EDNRB: variants seen among roughly 807,000 people sequenced by gnomAD.
EDNRB encodes the protein Hirschsprung disease 2.
EDNRB carries 18 observed loss-of-function variants against 46.4 expected under a neutral mutation model. That is an observed-to-expected ratio of 0.39 (90% CI 0.27 to 0.57). The LOEUF is 0.57. EDNRB is among the 20% of genes least tolerant of loss of function. EDNRB has a pLI of 0.61. For missense variants in EDNRB, 434 were observed against 537.5 expected (o/e 0.81, Z 1.90); for synonymous variants, 213 against 204.9 (o/e 1.04, Z -0.34).
In EDNRB at chr13:77,896,748, A is replaced by G. The variant is rs1878650435; in HGVS notation, c.*1452T>C. ...AGGCTAAGAATGGGAATCTGTCCCC[A>G]TGGGTTTCCTCCAACCCCACCTCAT... On this transcript the variant is annotated 3_prime_UTR_variant, in exon 7 of 7. Transcript: ENST00000646607. 9.5e-6 allele frequency: 13 copies of G among 1,370,124 alleles called. No individual in the cohort carries two copies. Among genetic ancestry groups the G allele is most frequent in the Non-Finnish European group, 1.2e-5 (13 of 1,065,222 alleles). The allele number at this position is 1,370,124 out of a possible 1,614,324, so 84.9% of individuals were successfully genotyped here. A position where few individuals can be genotyped will look rare whatever the true frequency, so the allele number is the denominator to read the frequency against.
chr13:77,940,826 G>A (rs994533025), intron 1 of EDNRB, among the ~76,000 whole-genome samples: 2 of 152,104 alleles, frequency 1.3e-5, no homozygotes, highest in African/African-American at 4.8e-5. Flanking sequence ...AATATTTGAA[G>A]GGGAGATGGA....
At chr13:77,908,341 C>A (rs1879394960) in intron 1 of EDNRB, among the ~76,000 whole-genome samples, 1 of 148,770 alleles carries the variant, frequency 6.7e-6, no homozygotes, top group South Asian at 2.1e-4. Flanking sequence ...TGGCCTCTAG[C>A]AAGAAAGTCT....
Position 77,899,760 on chromosome 13 carries a change from T to A in EDNRB, c.1194+99A>T, listed in dbSNP as rs1878838198. 3.4e-6 allele frequency: 3 copies of A among 892,720 alleles called. No homozygotes were observed. The South Asian group carries it at 4.5e-5, about 13-fold the overall frequency. The allele number at this position is 892,720 out of a possible 1,614,324, so 55.3% of individuals were successfully genotyped here. ...ATGTAATAAAAGGGAAACTATAAGA[T>A]AATTTACTAAATCTGTCTGGATAGA... On this transcript the variant is annotated intron_variant, in intron 6 of 6. Coordinates refer to ENST00000646607, the MANE Select transcript of EDNRB (RefSeq NM_001122659.3).
In EDNRB at chr13:77,916,959, C is replaced by T. The variant is rs558369409; in HGVS notation, c.483+1132G>A. On this transcript the variant is annotated intron_variant, in intron 1 of 6. Coordinates refer to ENST00000646607, the MANE Select transcript of EDNRB (RefSeq NM_001122659.3). ...TAAAGCCTCAGTAAGTGGGCACTGG[C>T]AGCCTTATTGTGGAATTGAGGAAAC... Among the ~76,000 whole-genome samples the T allele has an allele frequency of 3.6e-4, 55 of 151,662 alleles. No individual in the cohort carries two copies. The Middle Eastern group carries it at 0.01, about 28-fold the overall frequency.
At chr13:77,943,236 C>T (rs1880803550) in intron 1 of EDNRB, among the ~76,000 whole-genome samples, 1 of 152,122 alleles carries the variant, frequency 6.6e-6, no homozygotes. Flanking sequence ...GGTACACAGA[C>T]AGACTTGAAT....
Position 77,896,687 on chromosome 13 carries a change from C to A in EDNRB, c.*1513G>T. ...TGTTTTGCTGGAACAAAATCAGGAC[C>A]TTTTGCATTGATGTGACGAGGCAAT... On this transcript the variant is annotated 3_prime_UTR_variant, in exon 7 of 7. Transcript: ENST00000646607. 6.2e-6 allele frequency: 9 copies of A among 1,447,332 alleles called. No individual in the cohort carries two copies. Among genetic ancestry groups the A allele is most frequent in the Non-Finnish European group, 8.1e-6 (9 of 1,106,312 alleles). The allele number at this position is 1,447,332 out of a possible 1,614,324, so 89.7% of individuals were successfully genotyped here.
intron 1 of EDNRB, among the ~76,000 whole-genome samples, chr13:77,943,177 G>A (rs1358318815): frequency 1.3e-5 from 2 of 152,076 alleles, no homozygotes; most frequent in Non-Finnish European, 2.9e-5. Context: ...TTCCTGTAGA[G>A]CAATATGTGC....
At chr13:77,931,770 A>AC (rs1880415716) in intron 1 of EDNRB, among the ~76,000 whole-genome samples, 1 of 142,680 alleles carries the variant, frequency 7.0e-6, no homozygotes, top group Non-Finnish European at 1.5e-5. Context: ...ACAAAAAAAA[A>AC]AAAACAAAAA....
At position 77,931,441 on chromosome 13, in the gene EDNRB, GTAGCTGATCGGTGGGGGAAT is replaced by G. The variant is rs1880395458; in HGVS notation, c.-51-12837_-51-12818del. On this transcript the variant is annotated intron_variant, in intron 1 of 7. Coordinates refer to the EDNRB transcript ENST00000646948. ...ATGATATAATCCAGCCTTACTGGCT[GTAGCTGATCGGTGGGGGAAT>G]TACCTGATCCAAGCTTTCCTCTCAA... 2.6e-5 allele frequency among the ~76,000 whole-genome samples: 4 copies of G among 152,246 alleles called. No individual in the cohort carries two copies. In the South Asian group the frequency reaches 8.3e-4, roughly 32 times the overall value.
At chr13:77,899,792 A>G in intron 6 of EDNRB, 67 bp downstream of exon 6, 2 of 1,147,954 alleles carry the variant, frequency 1.7e-6, no homozygotes, top group East Asian at 4.8e-5. Context: ...TAGATATATT[A>G]GCAGTTTTGA....
At chr13:77,923,833 G>GTA (rs1880156681), upstream of EDNRB, among the ~76,000 whole-genome samples, 1 of 151,040 alleles carries the variant, frequency 6.6e-6, no homozygotes, top group Non-Finnish European at 1.5e-5. Flanking sequence ...AATAGAATGT[G>GTA]CTAGGAGAGT....
intron 1 of EDNRB, among the ~76,000 whole-genome samples, chr13:77,913,910 G>C (rs1268277197): frequency 4.6e-5 from 7 of 152,168 alleles, no homozygotes; most frequent in Non-Finnish European, 7.4e-5. Context: ...AAAATAAGTA[G>C]CTTGTGAATA....
chr13:77,973,914 T>C (rs1301861627), intron 1 of EDNRB, among the ~76,000 whole-genome samples: 3 of 149,676 alleles, frequency 2.0e-5, no homozygotes, highest in African/African-American at 7.5e-5. Context: ...TCTTTTTACA[T>C]AAATTCTGCC....
Position 77,898,123 on chromosome 13 carries a change from T to C in EDNRB, c.*77A>G. On this transcript the variant is annotated 3_prime_UTR_variant, in exon 7 of 7. Coordinates refer to ENST00000646607, the MANE Select transcript of EDNRB (RefSeq NM_001122659.3). ...GCAAATACATAGTTTTTTGTTTTGTTTTGGCAAATGTTTCATTTTGTTTTA... is the reference window on the plus strand; with the variant it reads ...GCAAATACATAGTTTTTTGTTTTGTCTTGGCAAATGTTTCATTTTGTTTTA... 6.4e-7 allele frequency: 1 copy of C among 1,569,064 alleles called. No individual in the cohort carries two copies. The highest frequency in any genetic ancestry group is 8.6e-7 in the Non-Finnish European group (1 of 1,156,928).
intron 1 of EDNRB, among the ~76,000 whole-genome samples, chr13:77,965,460 G>T (rs1380063673): frequency 6.6e-6 from 1 of 152,180 alleles, no homozygotes; most frequent in African/African-American, 2.4e-5. Flanking sequence ...AAACAGTAAA[G>T]TGTGGAGAGC....
rs1881855357 is a variant in EDNRB at position 77,975,335 on chromosome 13, G to A, written c.-52+12C>T. ...TCAAATGGAGTGGGCAAGTTCCAAA[G>A]ACTAGTCTTACCAAGTTTCAGATGT... is the stretch of plus-strand genomic sequence containing the variant. On this transcript the variant is annotated intron_variant, in intron 1 of 7. Coordinates refer to the EDNRB transcript ENST00000646948. 3 of 152,316 alleles carry A rather than the reference G, an allele frequency of 2.0e-5. No homozygotes were observed. The South Asian group carries it at 6.2e-4, about 32-fold the overall frequency. The allele number at this position is 152,316 out of a possible 1,614,324, so 9.4% of individuals were successfully genotyped here. A position where few individuals can be genotyped will look rare whatever the true frequency, so the allele number is the denominator to read the frequency against.
At position 77,898,963 on chromosome 13, in the gene EDNRB, A is replaced by G. The variant is rs12720200; in HGVS notation, c.1195-629T>C. 2.6e-3 allele frequency among the ~76,000 whole-genome samples: 391 copies of G among 151,916 alleles called. 1 individual carries two copies. Among genetic ancestry groups the G allele is most frequent in the African/African-American group, 9.3e-3 (385 of 41,380 alleles). The stretch of plus-strand genomic sequence containing the variant: ...CAATATTGGTAAACAATAAGGTTAT[A>G]TAGTACAAAAGCATCTCAGTTTTCT... On this transcript the variant is annotated intron_variant, in intron 6 of 6. Coordinates refer to ENST00000646607, the MANE Select transcript of EDNRB (RefSeq NM_001122659.3).
intron 5 of EDNRB, 64 bp from the exon 6 acceptor site, chr13:77,900,031 G>A: frequency 2.2e-6 from 3 of 1,392,628 alleles, no homozygotes; most frequent in Middle Eastern, 2.1e-4. Flanking sequence ...AGTCATTGTA[G>A]CTTCTGTGCT....
intron 1 of EDNRB, among the ~76,000 whole-genome samples, chr13:77,952,545 G>C (rs1440410295): frequency 1.3e-5 from 2 of 152,072 alleles, no homozygotes; most frequent in Non-Finnish European, 2.9e-5. Context: ...AAATGGAGTT[G>C]CTCTGGTTTG....
Sources: gnomAD v4.1 joint callset for allele counts (sites outside exome capture counted in the v4.1 genomes callset) on GRCh38, gnomAD v4.1.1 for gene constraint, MANE v1.5 for transcripts, NCBI Gene and HGNC (gene_info 2026-07-23, HGNC 2026-07-21) for gene names.